Variants in CSTF3 observed in about 807,000 individuals in gnomAD.
CSTF3 encodes the protein cleavage stimulation factor subunit 3.
In CSTF3, 29 loss-of-function variants were observed where a neutral mutation model predicts 105.8. That is an observed-to-expected ratio of 0.27 (90% confidence interval 0.20 to 0.37). The LOEUF is 0.37. Among genes scored for constraint, CSTF3 ranks in the 10% least tolerant of loss-of-function variants. CSTF3 has a pLI of 1.00. For missense variants in CSTF3, 357 were observed against 879.3 expected (o/e 0.41, Z 7.51); for synonymous variants, 252 against 281.9 (o/e 0.89, Z 1.06).
chr11:33,133,362 T>C (rs887188350), intron 3 of CSTF3, among the ~76,000 whole-genome samples: 1 of 152,246 alleles, frequency 6.6e-6, no homozygotes, highest in African/African-American at 2.4e-5. Flanking sequence ...TTTTTTCTAT[T>C]AATTATCAAA....
At chr11:33,154,754 C>T (rs1426887767) in intron 1 of CSTF3, among the ~76,000 whole-genome samples, 1 of 152,040 alleles carries the variant, frequency 6.6e-6, no homozygotes, top group Non-Finnish European at 1.5e-5. Flanking sequence ...CTCAGCCTCC[C>T]GAAGTGCTGG....
intron 3 of CSTF3, among the ~76,000 whole-genome samples, chr11:33,122,756 AAAT>A (rs1469993275): frequency 6.6e-6 from 1 of 151,934 alleles, no homozygotes; most frequent in Non-Finnish European, 1.5e-5. Flanking sequence ...CTCTACAAAA[AAAT>A]ACAAAAATTA....
intron 14 of CSTF3, 134 bp downstream of exon 14, chr11:33,096,701 A>T: frequency 1.2e-6 from 1 of 807,638 alleles, no homozygotes; most frequent in Non-Finnish European, 1.9e-6. Flanking sequence ...ATAAAATTTT[A>T]CACAGATACA....
intron 3 of CSTF3, among the ~76,000 whole-genome samples, chr11:33,117,593 G>A (rs1273342076): frequency 2.0e-5 from 3 of 151,794 alleles, no homozygotes; most frequent in African/African-American, 7.3e-5. Flanking sequence ...GAGGCACAAG[G>A]AGATTTAATA....
At chr11:33,140,682 A>G (rs1855701393) in intron 3 of CSTF3, among the ~76,000 whole-genome samples, 1 of 152,092 alleles carries the variant, frequency 6.6e-6, no homozygotes, top group Non-Finnish European at 1.5e-5. Context: ...CCTAAATATT[A>G]TCAAATTTCA....
rs767220700 is a variant in CSTF3 at position 33,090,570 on chromosome 11, G to T, written c.1603C>A (p.Pro535Thr). The T allele has an allele frequency of 1.2e-6, 2 of 1,605,212 alleles. No homozygotes were observed. Among genetic ancestry groups the T allele is most frequent in the Non-Finnish European group, 1.7e-6 (2 of 1,177,432 alleles). Residue 535 changes from proline to threonine, a missense_variant, in exon 17 of 21, where the codon CCT (proline) becomes ACT (threonine). Coordinates refer to ENST00000323959, the MANE Select transcript of CSTF3 (RefSeq NM_001326.3). The part of the protein sequence containing the change: ...VDRYKFMDLY[P>T]CSASELKALG... Reference sequence around the variant, plus strand: ...GCTTTTAATTCACTTGCAGAGCAAGGATATAAATCCATGAACTTGTATCTA... The same window carrying T: ...GCTTTTAATTCACTTGCAGAGCAAGTATATAAATCCATGAACTTGTATCTA...
At chr11:33,119,666 T>C (rs1430819774) in intron 3 of CSTF3, among the ~76,000 whole-genome samples, 1 of 151,816 alleles carries the variant, frequency 6.6e-6, no homozygotes, top group Non-Finnish European at 1.5e-5. Flanking sequence ...CTTTAGTTTT[T>C]ATCAATACTG....
chr11:33,158,929 A>G (rs1172513144), intron 1 of CSTF3, among the ~76,000 whole-genome samples: 1 of 152,184 alleles, frequency 6.6e-6, no homozygotes, highest in East Asian at 1.9e-4. Context: ...AAGAATGGTG[A>G]GACTACTTAA....
chr11:33,100,776 A>G (rs1360051883), intron 10 of CSTF3, among the ~76,000 whole-genome samples: 1 of 152,170 alleles, frequency 6.6e-6, no homozygotes, highest in Non-Finnish European at 1.5e-5. Flanking sequence ...TCAGAGGCAA[A>G]TAAGTGAAGT....
At chr11:33,125,475 G>C (rs1319024873) in intron 3 of CSTF3, among the ~76,000 whole-genome samples, 1 of 152,164 alleles carries the variant, frequency 6.6e-6, no homozygotes, top group African/African-American at 2.4e-5. Context: ...TTCAGGCTGA[G>C]TCTACTTTAC....
intron 3 of CSTF3, among the ~76,000 whole-genome samples, chr11:33,139,173 A>C (rs1252526640): frequency 6.6e-6 from 1 of 151,844 alleles, no homozygotes; most frequent in Non-Finnish European, 1.5e-5. Context: ...GACATTTTGT[A>C]CTTAAATAGG....
intron 16 of CSTF3, among the ~76,000 whole-genome samples, chr11:33,091,805 C>G (rs1855171924): frequency 6.6e-6 from 1 of 152,070 alleles, no homozygotes; most frequent in African/African-American, 2.4e-5. Flanking sequence ...ACCTCCTGGG[C>G]TCAAGCAGTC....
chr11:33,156,468 T>C (rs1002196120), intron 1 of CSTF3, among the ~76,000 whole-genome samples: 3 of 152,192 alleles, frequency 2.0e-5, no homozygotes, highest in East Asian at 3.8e-4. Flanking sequence ...TAATAATAAG[T>C]ATATAATAGG....
chr11:33,123,432 C>T (rs993148449), intron 3 of CSTF3, among the ~76,000 whole-genome samples: 4 of 152,060 alleles, frequency 2.6e-5, no homozygotes, highest in African/African-American at 9.7e-5. Flanking sequence ...CTATGACAAC[C>T]TCTGTGGAAG....
chr11:33,110,565 G>A (rs1855369773), intron 3 of CSTF3, among the ~76,000 whole-genome samples: 1 of 152,122 alleles, frequency 6.6e-6, no homozygotes, highest in Non-Finnish European at 1.5e-5. Flanking sequence ...AGGTGCAGTT[G>A]AGATTATATA....
At chr11:33,145,730 C>A (rs1319013674) in intron 1 of CSTF3, among the ~76,000 whole-genome samples, 1 of 151,786 alleles carries the variant, frequency 6.6e-6, no homozygotes, top group Non-Finnish European at 1.5e-5. Context: ...AAGAGAATAG[C>A]GTGAACCTGG....
intron 3 of CSTF3, among the ~76,000 whole-genome samples, chr11:33,109,446 T>C: frequency 6.6e-6 from 1 of 152,344 alleles, no homozygotes; most frequent in East Asian, 1.9e-4. Flanking sequence ...TTTTTTATCT[T>C]GATCTTTAGA....
In CSTF3 at chr11:33,096,537, G is replaced by C. The variant is rs1161665372; in HGVS notation, c.1273-129C>G. 3 of 689,538 alleles carry C rather than the reference G, an allele frequency of 4.4e-6. No homozygotes were observed. In the East Asian group the frequency reaches 8.5e-5, roughly 20 times the overall value. 42.7% of individuals were successfully genotyped at this position (689,538 alleles called of 1,614,324 possible). On this transcript the variant is annotated intron_variant, in intron 14 of 20. Transcript: ENST00000323959. ...TTAAAACAAATTAAAATCATGTTAA[G>C]TAAAAATTGCTGAGCTAGAAACTAT...
At chr11:33,096,268 A>C (rs755065179) in intron 15 of CSTF3, 38 bp downstream of exon 15, 4 of 1,293,852 alleles carry the variant, frequency 3.1e-6, no homozygotes, top group African/African-American at 1.5e-5. Context: ...ACATGGTTTA[A>C]TATTAAGTAA....
Sources: gnomAD v4.1 joint callset for allele counts (sites outside exome capture counted in the v4.1 genomes callset) on GRCh38, gnomAD v4.1.1 for gene constraint, MANE v1.5 for transcripts, NCBI Gene and HGNC (gene_info 2026-07-23, HGNC 2026-07-21) for gene names.